The following RAPGEF4 variants were observed in gnomAD, a reference collection of about 807,000 sequenced individuals.
RAPGEF4 encodes the protein Rap guanine nucleotide exchange factor 4.
In RAPGEF4, 66 loss-of-function variants were observed where a neutral mutation model predicts 147.9. The observed-to-expected ratio is 0.45, with a 90% CI of 0.37 to 0.55. The LOEUF (loss-of-function observed/expected upper bound fraction) is 0.55, where lower values mean the gene tolerates loss of function less well. Ranked by LOEUF, RAPGEF4 falls within the 20% of genes least tolerant of loss-of-function variation. The pLI is 0.00. For missense variants in RAPGEF4, 1,071 were observed against 1,257.3 expected (o/e 0.85, Z 2.24); for synonymous variants, 419 against 442.7 (o/e 0.95, Z 0.67).
intron 26 of RAPGEF4, among the ~76,000 whole-genome samples, 193 bp downstream of exon 26, chr2:173,030,447 T>G (rs1697083980): frequency 6.6e-6 from 1 of 152,216 alleles, no homozygotes; most frequent in Non-Finnish European, 1.5e-5. Flanking sequence ...ATTGTCCTTT[T>G]GTGTATGGAG....
chr2:172,788,366 C>T (rs1685452737), intron 1 of RAPGEF4, among the ~76,000 whole-genome samples: 1 of 152,040 alleles, frequency 6.6e-6, no homozygotes, highest in Non-Finnish European at 1.5e-5. Flanking sequence ...GAAGAGAAAA[C>T]GTTGTAAGGA....
At chr2:172,765,472 A>G (rs1429057415) in intron 1 of RAPGEF4, among the ~76,000 whole-genome samples, 1 of 152,134 alleles carries the variant, frequency 6.6e-6, no homozygotes, top group African/African-American at 2.4e-5. Context: ...TGCTTCATCT[A>G]TCCCAAGAGA....
At chr2:172,842,842 A>C (rs1691768203) in intron 4 of RAPGEF4, among the ~76,000 whole-genome samples, 1 of 152,230 alleles carries the variant, frequency 6.6e-6, no homozygotes. Flanking sequence ...TAGGATGAGC[A>C]TGTGGGAGGG....
chr2:172,785,923 T>C (rs1023946324), intron 1 of RAPGEF4, among the ~76,000 whole-genome samples: 1 of 152,146 alleles, frequency 6.6e-6, no homozygotes, highest in Non-Finnish European at 1.5e-5. Flanking sequence ...CTCAGCTGAT[T>C]GATGAAGGCG....
chr2:172,763,400 G>A (rs1206870813), intron 1 of RAPGEF4, among the ~76,000 whole-genome samples: 1 of 152,156 alleles, frequency 6.6e-6, no homozygotes, highest in Non-Finnish European at 1.5e-5. Flanking sequence ...CCTGGAACAC[G>A]GACACTGAAC....
At chr2:172,760,635 A>G (rs1024507062) in intron 1 of RAPGEF4, among the ~76,000 whole-genome samples, 2 of 151,698 alleles carry the variant, frequency 1.3e-5, no homozygotes, top group African/African-American at 2.4e-5. Flanking sequence ...GGAGAATGGC[A>G]TGAACCCGGG....
chr2:172,845,554 A>G (rs2149716297), intron 4 of RAPGEF4, among the ~76,000 whole-genome samples: 1 of 152,314 alleles, frequency 6.6e-6, no homozygotes, highest in South Asian at 2.1e-4. Flanking sequence ...TCCTGACATG[A>G]TGTAGCTGGG....
At chr2:172,836,362 G>A (rs1230492201) in intron 4 of RAPGEF4, among the ~76,000 whole-genome samples, 1 of 152,206 alleles carries the variant, frequency 6.6e-6, no homozygotes, top group Non-Finnish European at 1.5e-5. Context: ...TTAAAGGTGT[G>A]ATGCCTTTGG....
intron 4 of RAPGEF4, among the ~76,000 whole-genome samples, chr2:172,903,482 G>T (rs1699302813): frequency 6.6e-6 from 1 of 151,304 alleles, no homozygotes; most frequent in South Asian, 2.1e-4. Context: ...AGGTTGCAGT[G>T]AGCTGAGATT....
intron 4 of RAPGEF4, among the ~76,000 whole-genome samples, chr2:172,870,333 A>G (rs773108475): frequency 2.6e-5 from 4 of 152,154 alleles, no homozygotes; most frequent in Non-Finnish European, 5.9e-5. Flanking sequence ...ATTCTATGAT[A>G]TATATCTTGG....
At position 172,765,889 on chromosome 2, in the gene RAPGEF4, T is replaced by G. The variant is rs374829868; in HGVS notation, c.66-29136T>G. Among the ~76,000 whole-genome samples, 9 of 152,312 alleles carry G rather than the reference T, an allele frequency of 5.9e-5. 1 individual carries two copies. The South Asian group carries it at 6.2e-4, about 11-fold the overall frequency. On this transcript the variant is annotated intron_variant, in intron 1 of 30. Transcript: ENST00000397081. The stretch of plus-strand genomic sequence containing the variant: ...ATTGCAAAGGGACTTTCCCTGTATC[T>G]TTAGACTTTGGGTTCTGGATTGTGG...
chr2:172,971,868 G>A (rs1479770722), intron 10 of RAPGEF4, among the ~76,000 whole-genome samples: 2 of 152,124 alleles, frequency 1.3e-5, no homozygotes, highest in African/African-American at 2.4e-5. Flanking sequence ...GTCTTGAAGA[G>A]ACCATCTGAA....
intron 1 of RAPGEF4, among the ~76,000 whole-genome samples, chr2:172,737,021 T>A (rs914803046): frequency 6.6e-6 from 1 of 152,248 alleles, no homozygotes; most frequent in African/African-American, 2.4e-5. Flanking sequence ...ATTAACAGAT[T>A]CGTAACCAGA....
intron 1 of RAPGEF4, among the ~76,000 whole-genome samples, chr2:172,764,221 C>T (rs1366434701): frequency 6.7e-6 from 1 of 150,302 alleles, no homozygotes; most frequent in Non-Finnish European, 1.5e-5. Context: ...GCACTGCGCT[C>T]CAGCCTGGGT....
At chr2:172,743,563 T>C (rs1402854791) in intron 1 of RAPGEF4, among the ~76,000 whole-genome samples, 1 of 152,240 alleles carries the variant, frequency 6.6e-6, no homozygotes, top group Non-Finnish European at 1.5e-5. Flanking sequence ...ATCCCATTAA[T>C]ATTTTGTGGG....
At position 173,020,767 on chromosome 2, in the gene RAPGEF4, T is replaced by C. The variant is rs757128426; in HGVS notation, c.2253+52T>C. 3 of 1,454,720 alleles carry C rather than the reference T, an allele frequency of 2.1e-6. No homozygotes were observed. In the Admixed American group the frequency reaches 6.0e-5, roughly 29 times the overall value. The allele number at this position is 1,454,720 out of a possible 1,614,324, so 90.1% of individuals were successfully genotyped here. On this transcript the variant is annotated intron_variant, in intron 23 of 30. Transcript: ENST00000397081. ...AGCATTGCAATCAGAAAAACTTGTCTGGAGCCTAATTTTGCAGTCACACTG... is the reference window on the plus strand; with the variant it reads ...AGCATTGCAATCAGAAAAACTTGTCCGGAGCCTAATTTTGCAGTCACACTG...
intron 4 of RAPGEF4, among the ~76,000 whole-genome samples, chr2:172,903,865 C>A (rs1192223289): frequency 1.3e-5 from 2 of 152,196 alleles, no homozygotes; most frequent in African/African-American, 4.8e-5. Context: ...AGAAGGGATG[C>A]CTCTGCAGTG....
chr2:172,783,637 T>A lies in RAPGEF4; in HGVS notation c.66-11388T>A, dbSNP rs1338321141. Reference sequence around the variant, plus strand: ...CTGAATACTGACAAAGTCAAGAGCCTCAGCCGAGAGAGAACTTGGGCAGTT... The same window carrying A: ...CTGAATACTGACAAAGTCAAGAGCCACAGCCGAGAGAGAACTTGGGCAGTT... On this transcript the variant is annotated intron_variant, in intron 1 of 30. Transcript: ENST00000397081. Among the ~76,000 whole-genome samples the A allele has an allele frequency of 5.3e-5, 8 of 152,270 alleles. No homozygotes were observed. The East Asian group carries it at 1.5e-3, about 29-fold the overall frequency.
At chr2:172,897,828 A>C (rs1698665743) in intron 4 of RAPGEF4, among the ~76,000 whole-genome samples, 1 of 150,760 alleles carries the variant, frequency 6.6e-6, no homozygotes, top group Non-Finnish European at 1.5e-5. Context: ...TTTTCACTTC[A>C]TGTCTTAGCT....
Sources: allele counts gnomAD v4.1 joint callset (sites outside exome capture counted in the v4.1 genomes callset), GRCh38; gene constraint gnomAD v4.1.1; transcripts MANE v1.5; gene names NCBI Gene and HGNC (gene_info 2026-07-23, HGNC 2026-07-21).